KRT13: variants seen among roughly 807,000 people sequenced by gnomAD.
KRT13 encodes the protein keratin, type I cytoskeletal 13.
A neutral mutation model predicts 40.6 loss-of-function variants in KRT13; 27 were observed. The observed-to-expected ratio is 0.67, with a 90% confidence interval of 0.49 to 0.92. The LOEUF (loss-of-function observed/expected upper bound fraction) is 0.92, where lower values mean the gene tolerates loss of function less well. Ranked by LOEUF, KRT13 falls within the 40% of genes least tolerant of loss-of-function variation. The pLI is 0.00. For missense variants in KRT13, 605 were observed against 611.5 expected (o/e 0.99, Z 0.11); for synonymous variants, 266 against 240.3 (o/e 1.11, Z -0.99).
intron 1 of KRT13, chr17:41,504,043 C>G (rs528472413): frequency 5.1e-6 from 2 of 393,144 alleles, no homozygotes; most frequent in Non-Finnish European, 9.5e-6. Context: ...ATGGGCAGGA[C>G]CTGGTTCCCA....
rs758902395 is a variant in KRT13 at position 41,502,555 on chromosome 17, G to C, written c.1063C>G (p.Arg355Gly). 6.2e-7 allele frequency: 1 copy of C among 1,613,824 alleles called. No individual in the cohort carries two copies. Among genetic ancestry groups the C allele is most frequent in the Non-Finnish European group, 8.5e-7 (1 of 1,180,038 alleles). ...LENTVAETEC[R>G]YALQLQQIQG... ...ATCTGCTGCAGCTGCAGGGCATAGC[G>C]GCACTCCGTCTCTGCCACCGTGTTC... The change falls in exon 6 of 8, where the codon CGC becomes GGC. Residue 355 changes from arginine to glycine, a missense_variant. By Grantham distance (125) the Arg-to-Gly change is moderately radical. Transcript: ENST00000246635.
At position 41,503,650 on chromosome 17, in the gene KRT13, T is replaced by G; in HGVS notation, c.571A>C (p.Arg191=). The G allele has an allele frequency of 6.2e-7, 1 of 1,613,664 alleles. No individual in the cohort carries two copies. Among genetic ancestry groups the G allele is most frequent in the Non-Finnish European group, 8.5e-7 (1 of 1,179,710 alleles). Residue 191 remains arginine (R), a synonymous_variant, in exon 2 of 8, where the codon AGG becomes CGG. Transcript: ENST00000246635. ...DNARLAADDF[R]LKYENELALR... is the part of the protein sequence containing the mutation. Reference sequence around the variant, plus strand: ...GGGAAAAAAAAAACTCACTTGAGCCTGAAGTCGTCCGCAGCCAGCCTGGCA... The same window carrying G: ...GGGAAAAAAAAAACTCACTTGAGCCGGAAGTCGTCCGCAGCCAGCCTGGCA...
In KRT13 at chr17:41,502,573, C is replaced by A; in HGVS notation, c.1045G>T (p.Val349Leu). The change falls in exon 6 of 8, where the codon GTG becomes TTG. Residue 349 changes from valine to leucine, a missense_variant. Physicochemically the swap from Val to Leu is conservative, Grantham distance 32. Transcript: ENST00000246635. ...GCATAGCGGCACTCCGTCTCTGCCA[C>A]CGTGTTCTCCAGCCCCGCTTTCTGG... ...LSMKAGLENT[V>L]AETECRYALQ... is the part of the protein sequence containing the mutation. The A allele has an allele frequency of 6.2e-7, 1 of 1,613,718 alleles. No individual in the cohort carries two copies. The highest frequency in any genetic ancestry group is 8.5e-7 in the Non-Finnish European group (1 of 1,180,036).
At chr17:41,503,181 A>G (rs1904929325) in intron 3 of KRT13, 83 bp from the exon 4 acceptor site, 1 of 1,604,764 alleles carries the variant, frequency 6.2e-7, no homozygotes. Context: ...TGTTCTGGAG[A>G]GTGTTTCCAG....
At chr17:41,502,289 G>T in intron 6 of KRT13, 85 bp downstream of exon 6, 1 of 1,611,692 alleles carries the variant, frequency 6.2e-7, no homozygotes, top group Non-Finnish European at 8.5e-7. Context: ...CTGACATGAG[G>T]GGGTGGATCT....
In KRT13 at chr17:41,501,338, G is replaced by C. The variant is rs1394162514; in HGVS notation, c.1295C>G (p.Ser432Cys). 3.8e-6 allele frequency: 6 copies of C among 1,570,264 alleles called. No individual in the cohort carries two copies. The highest frequency in any genetic ancestry group is 1.3e-5 in the African/African-American group (1 of 74,442). The change falls in exon 8 of 8, where the codon TCT becomes TGT. Residue 432 changes from serine to cysteine, a missense_variant. Coordinates refer to ENST00000246635, the MANE Select transcript of KRT13 (RefSeq NM_153490.3). Reference protein sequence around the residue: ...SAGSVSPRSTSVTTTSSASVT... With the variant: ...SAGSVSPRSTCVTTTSSASVT... Reference sequence around the variant, plus strand: ...AGAGGCACTAGAAGTCGTGGTAACAGAGGTGCTACGGGGGCTGACGCTTCC... The same window carrying C: ...AGAGGCACTAGAAGTCGTGGTAACACAGGTGCTACGGGGGCTGACGCTTCC...
At position 41,502,900 on chromosome 17, in the gene KRT13, T is replaced by C. The variant is rs901040703; in HGVS notation, c.897+37A>G. The C allele has an allele frequency of 1.9e-6, 3 of 1,613,902 alleles. No homozygotes were observed. The African/African-American group carries it at 4.0e-5, about 22-fold the overall frequency. ...TGTGTCCGCCCGGCCCCCCTGGCTATATGGGATGGGCTATGTGGGGTGGGA... is the reference window on the plus strand; with the variant it reads ...TGTGTCCGCCCGGCCCCCCTGGCTACATGGGATGGGCTATGTGGGGTGGGA... On this transcript the variant is annotated intron_variant, in intron 4 of 7. Transcript: ENST00000246635.
At chr17:41,501,674 G>A (rs1315602285) in intron 7 of KRT13, 45 bp downstream of exon 7, 2 of 1,559,266 alleles carry the variant, frequency 1.3e-6, no homozygotes, top group Admixed American at 1.9e-5. Context: ...CAGTGAATGG[G>A]AGGCTAACTC....
intron 1 of KRT13, chr17:41,504,001 T>G (rs1597764363): frequency 2.3e-6 from 1 of 442,330 alleles, no homozygotes; most frequent in Non-Finnish European, 4.1e-6. Context: ...CTCTGGGGGG[T>G]CCACGTGCTT....
At chr17:41,504,159 C>T (rs548799789) in intron 1 of KRT13, 22 of 245,826 alleles carry the variant, frequency 8.9e-5, no homozygotes, top group Non-Finnish European at 1.0e-4. Flanking sequence ...CCCCTCCAAT[C>T]GTTTCTAACA....
intron 3 of KRT13, 64 bp downstream of exon 3, chr17:41,503,223 G>A: frequency 5.6e-6 from 9 of 1,606,980 alleles, no homozygotes; most frequent in Non-Finnish European, 6.8e-6. Flanking sequence ...TCCAGTTGCA[G>A]GGGAGGGCTC....
chr17:41,501,426 C>T (rs907774172), intron 7 of KRT13, 64 bp from the exon 8 acceptor site: 7 of 1,349,340 alleles, frequency 5.2e-6, no homozygotes, highest in Admixed American at 3.9e-5. Context: ...AGGGCAGGGC[C>T]CCCCTGGAGG....
At chr17:41,501,573 T>C in intron 7 of KRT13, 146 bp downstream of exon 7, 1 of 1,393,322 alleles carries the variant, frequency 7.2e-7, no homozygotes, top group Non-Finnish European at 9.9e-7. Flanking sequence ...AGTGAGCGAA[T>C]GACCACTTCC....
In KRT13 at chr17:41,501,274, A is replaced by G; in HGVS notation, c.1359T>C (p.Ser453=). ...TTSNASGRRT[S]DVRRP is the part of the protein sequence containing the mutation. ...GGCAGATTTAAGGCCTACGGACATC[A>G]GAAGTGCGGCGACCAGAGGCATTAG... The change falls in exon 8 of 8, where the codon TCT becomes TCC. Residue 453 remains serine (S), a synonymous_variant. Coordinates refer to ENST00000246635, the MANE Select transcript of KRT13 (RefSeq NM_153490.3). 6.4e-7 allele frequency: 1 copy of G among 1,567,718 alleles called. No individual in the cohort carries two copies. Among genetic ancestry groups the G allele is most frequent in the South Asian group, 1.2e-5 (1 of 85,130 alleles).
Position 41,505,427 on chromosome 17 carries a change from C to A in KRT13, c.124G>T (p.Ala42Ser). 1 of 1,613,614 alleles carries A rather than the reference C, an allele frequency of 6.2e-7. No homozygotes were observed. The highest frequency in any genetic ancestry group is 8.5e-7 in the Non-Finnish European group (1 of 1,179,544). Residue 42 changes from alanine to serine, a missense_variant, in exon 1 of 8, where the codon GCT (alanine) becomes TCT (serine). Ala to Ser is a moderately conservative substitution (Grantham distance 99, BLOSUM62 1). Coordinates refer to ENST00000246635, the MANE Select transcript of KRT13 (RefSeq NM_153490.3). ...CTCACGCCGCCTCCATAGCCCCCAG[C>A]TGATCCCCCGGACACAAACCGAGTT... ...CSTRFVSGGS[A>S]GGYGGGVSCG...
Position 41,505,105 on chromosome 17 carries a change from T to A in KRT13, c.446A>T (p.Glu149Val). ...WHLKQSPASP[E>V]RDYSPYYKTI... is the part of the protein sequence containing the mutation. ...CTTGTAGTAGGGGCTGTAGTCCCGC[T>A]CAGGGCTAGCTGGGCTCTGCTTCAG... The change falls in exon 1 of 8, where the codon GAG (glutamate) becomes GTG (valine). Residue 149 changes from glutamate to valine, a missense_variant. Transcript: ENST00000246635. 1 of 1,614,214 alleles carries A rather than the reference T, an allele frequency of 6.2e-7. No homozygotes were observed. The highest frequency in any genetic ancestry group is 8.5e-7 in the Non-Finnish European group (1 of 1,180,032).
At chr17:41,503,199 A>G (rs112679639) in intron 3 of KRT13, 88 bp downstream of exon 3, 3 of 1,605,012 alleles carry the variant, frequency 1.9e-6, no homozygotes, top group Non-Finnish European at 2.6e-6. Flanking sequence ...CAGGTCCCAC[A>G]GTGGAGGACT....
Position 41,503,810 on chromosome 17 carries a change from C to T in KRT13, c.496-85G>A, listed in dbSNP as rs943338370. 4 of 1,010,368 alleles carry T rather than the reference C, an allele frequency of 4.0e-6. No homozygotes were observed. The African/African-American group carries it at 4.7e-5, about 12-fold the overall frequency. The allele number at this position is 1,010,368 out of a possible 1,614,324, so 62.6% of individuals were successfully genotyped here. A position where few individuals can be genotyped will look rare whatever the true frequency, so the allele number is the denominator to read the frequency against. ...TGGGCCACATTGGAAGAAGAATTGT[C>T]TTGGGCAACACATCAAATACGCTAA... is the stretch of plus-strand genomic sequence containing the variant. On this transcript the variant is annotated intron_variant, in intron 1 of 7. Coordinates refer to ENST00000246635, the MANE Select transcript of KRT13 (RefSeq NM_153490.3).
chr17:41,504,953 T>C (rs1442674585), intron 1 of KRT13, 103 bp downstream of exon 1: 1 of 1,381,878 alleles, frequency 7.2e-7, no homozygotes, highest in African/African-American at 1.4e-5. Flanking sequence ...CTGCAAGAAG[T>C]TTGTGAATTC....
Sources: allele counts gnomAD v4.1 joint callset, GRCh38; gene constraint gnomAD v4.1.1; transcripts MANE v1.5; gene names NCBI Gene and HGNC (gene_info 2026-07-23, HGNC 2026-07-21).